The following ALPK3 variants were observed in gnomAD, a reference collection of about 807,000 sequenced individuals.
ALPK3 encodes alpha-protein kinase 3.
A neutral mutation model predicts 140.0 loss-of-function variants in ALPK3; 102 were observed. That is an observed-to-expected ratio of 0.73 (90% CI 0.62 to 0.86). The LOEUF is 0.86. ALPK3 is among the 40% of genes least tolerant of loss of function. The probability of loss-of-function intolerance (pLI) is 0.00; values close to 1 mark genes in which losing one functional copy is unlikely to be tolerated. For missense variants in ALPK3, 2,254 were observed against 2,208.2 expected, an observed-to-expected ratio of 1.02 and a Z score of -0.42; for synonymous variants, 938 against 898.5, an observed-to-expected ratio of 1.04 and a Z score of -0.79.
At chr15:84,838,201 C>T (rs1401467848) in intron 3 of ALPK3, among the ~76,000 whole-genome samples, 1 of 152,080 alleles carries the variant, frequency 6.6e-6, no homozygotes, top group African/African-American at 2.4e-5. Context: ...GCCATGTTTT[C>T]AAATAATCCT....
At chr15:84,855,780 A>G (rs948793842) in intron 5 of ALPK3, among the ~76,000 whole-genome samples, 1 of 152,244 alleles carries the variant, frequency 6.6e-6, no homozygotes, top group Admixed American at 6.5e-5. Context: ...GGCCTAGCAT[A>G]GTGCTTTGCA....
Position 84,857,852 on chromosome 15 carries a change from C to T in ALPK3, c.3114C>T (p.Arg1038=), listed in dbSNP as rs1475934860. The change falls in exon 6 of 14, where the codon CGC becomes CGT. Residue 1038 remains arginine (R), a synonymous_variant. Transcript: ENST00000258888. ...QTLLLSPCTS[R]RLTGLLDREV... ...TGCTGCTGAGCCCCTGTACCTCCCG[C>T]CGCCTCACCGGCCTCCTGGACCGTG... 1.9e-6 allele frequency: 3 copies of T among 1,611,914 alleles called. No homozygotes were observed. Among genetic ancestry groups the T allele is most frequent in the Admixed American group, 1.7e-5 (1 of 59,932 alleles).
At position 84,839,873 on chromosome 15, in the gene ALPK3, G is replaced by A. The variant is rs1596149684; in HGVS notation, c.594G>A (p.Gln198=). 1 of 1,614,120 alleles carries A rather than the reference G, an allele frequency of 6.2e-7. No individual in the cohort carries two copies. Among genetic ancestry groups the A allele is most frequent in the Non-Finnish European group, 8.5e-7 (1 of 1,180,032 alleles). ...KAAAKLREIE[Q]SWKHEKAVPG... Reference sequence around the variant, plus strand: ...CGGCAAAGCTGCGCGAGATCGAGCAGAGCTGGAAGCACGAGAAGGCGGTGC... The same window carrying A: ...CGGCAAAGCTGCGCGAGATCGAGCAAAGCTGGAAGCACGAGAAGGCGGTGC... Residue 198 remains glutamine (Q), a synonymous_variant, in exon 5 of 14, where the codon CAG becomes CAA. Coordinates refer to ENST00000258888, the MANE Select transcript of ALPK3 (RefSeq NM_020778.5).
At chr15:84,849,544 T>C (rs1327285402) in intron 5 of ALPK3, among the ~76,000 whole-genome samples, 1 of 152,158 alleles carries the variant, frequency 6.6e-6, no homozygotes, top group Non-Finnish European at 1.5e-5. Flanking sequence ...TGTGAAGTAA[T>C]TGAAATAATA....
intron 5 of ALPK3, among the ~76,000 whole-genome samples, chr15:84,842,515 C>T (rs544632707): frequency 1.8e-4 from 28 of 152,048 alleles, no homozygotes; most frequent in African/African-American, 5.5e-4. Context: ...GGTGGTTTCT[C>T]GGAGCAGTGA....
intron 3 of ALPK3, among the ~76,000 whole-genome samples, chr15:84,832,341 T>C (rs530902974): frequency 6.6e-6 from 1 of 152,238 alleles, no homozygotes; most frequent in African/African-American, 2.4e-5. Flanking sequence ...AAAATTTTGT[T>C]GCTCCTATTA....
At chr15:84,862,410 A>G (rs1963956833) in intron 9 of ALPK3, among the ~76,000 whole-genome samples, 1 of 152,068 alleles carries the variant, frequency 6.6e-6, no homozygotes, top group African/African-American at 2.4e-5. Flanking sequence ...GATGGATACC[A>G]CATGGGTACC....
intron 11 of ALPK3, 131 bp from the exon 12 acceptor site, chr15:84,864,311 T>C: frequency 1.0e-6 from 1 of 962,446 alleles, no homozygotes; most frequent in Non-Finnish European, 1.5e-6. Flanking sequence ...TTTGCTGTCC[T>C]TTGGGCTCGG....
chr15:84,826,276 ACT>A (rs1963487834), intron 2 of ALPK3, among the ~76,000 whole-genome samples: 1 of 151,968 alleles, frequency 6.6e-6, no homozygotes, highest in East Asian at 1.9e-4. Flanking sequence ...GCTTCCACAG[ACT>A]CTCTTAGCCC....
Position 84,857,305 on chromosome 15 carries a change from C to T in ALPK3, c.2567C>T (p.Pro856Leu), listed in dbSNP as rs777040881. 6.2e-7 allele frequency: 1 copy of T among 1,614,016 alleles called. No homozygotes were observed. Among genetic ancestry groups the T allele is most frequent in the Non-Finnish European group, 8.5e-7 (1 of 1,180,018 alleles). ...GVPCMDQGGC[P>L]LAGLSQEVPT... ...CCGTGTATGGATCAGGGTGGCTGTC[C>T]TCTAGCTGGCCTGAGCCAGGAGGTA... Residue 856 changes from proline to leucine, a missense_variant, in exon 6 of 14, where the codon CCT (proline) becomes CTT (leucine). By Grantham distance (98) the Pro-to-Leu change is moderately conservative (BLOSUM62 -3). Coordinates refer to ENST00000258888, the MANE Select transcript of ALPK3 (RefSeq NM_020778.5).
intron 11 of ALPK3, among the ~76,000 whole-genome samples, chr15:84,864,192 A>G (rs1269887062): frequency 6.6e-6 from 1 of 152,178 alleles, no homozygotes; most frequent in Non-Finnish European, 1.5e-5. Context: ...CAGTCTGCCT[A>G]TGCCCATAGC....
At position 84,817,408 on chromosome 15, in the gene ALPK3, G is replaced by A; in HGVS notation, c.-45G>A. 2 of 1,235,520 alleles carry A rather than the reference G, an allele frequency of 1.6e-6. No individual in the cohort carries two copies. Among genetic ancestry groups the A allele is most frequent in the South Asian group, 3.5e-5 (1 of 28,468 alleles). 76.5% of individuals were successfully genotyped at this position (1,235,520 alleles called of 1,614,324 possible). On this transcript the variant is annotated 5_prime_UTR_variant, in exon 1 of 14. Coordinates refer to ENST00000258888, the MANE Select transcript of ALPK3 (RefSeq NM_020778.5). ...GGGGGCCGGGGCCTGGAGGACAGGC[G>A]AGGCAGCGGCGAGTGCGGGGCCGGC...
At chr15:84,867,981 C>A (rs888757075) in intron 13 of ALPK3, 130 bp from the exon 14 acceptor site, 11 of 916,822 alleles carry the variant, frequency 1.2e-5, no homozygotes, top group African/African-American at 9.9e-5. Flanking sequence ...GGGAGAGTCC[C>A]CATCACCCTC....
chr15:84,869,785 T>G lies in ALPK3; in HGVS notation c.*1329T>G, dbSNP rs1964047719. ...CTGGTGTGGTTGGAGGTCTGTGGAG[T>G]CAAGGTCCCCCTCTCCCAGGCAGGC... On this transcript the variant is annotated 3_prime_UTR_variant, in exon 14 of 14. Transcript: ENST00000258888. 6.6e-6 allele frequency: 1 copy of G among 152,464 alleles called. No homozygotes were observed. Among genetic ancestry groups the G allele is most frequent in the Non-Finnish European group, 1.5e-5 (1 of 68,044 alleles). The allele number at this position is 152,464 out of a possible 1,614,324, so 9.4% of individuals were successfully genotyped here. A position where few individuals can be genotyped will look rare whatever the true frequency, so the allele number is the denominator to read the frequency against.
At chr15:84,848,260 T>A (rs1963759380) in intron 5 of ALPK3, among the ~76,000 whole-genome samples, 1 of 150,786 alleles carries the variant, frequency 6.6e-6, no homozygotes, top group Non-Finnish European at 1.5e-5. Context: ...AAAAAAAAAA[T>A]TACATTGCTG....
At chr15:84,835,221 T>C (rs1252003381) in intron 3 of ALPK3, among the ~76,000 whole-genome samples, 1 of 152,208 alleles carries the variant, frequency 6.6e-6, no homozygotes. Context: ...ACACCTGTGC[T>C]GGCTCTGGTC....
Position 84,858,017 on chromosome 15 carries a change from A to C in ALPK3, c.3279A>C (p.Gly1093=), listed in dbSNP as rs776558739. 3.1e-6 allele frequency: 5 copies of C among 1,588,590 alleles called. No homozygotes were observed. The change falls in exon 6 of 14, where the codon GGA becomes GGC. Residue 1093 remains glycine, a synonymous_variant. Transcript: ENST00000258888. ...LASEGASEGE[G]EVSPEGPGLL... ...CAGAAGGAGCCAGTGAGGGTGAAGGAGAGGTTTCCCCTGAGGGGCCTGGCC... is the reference window on the plus strand; with the variant it reads ...CAGAAGGAGCCAGTGAGGGTGAAGGCGAGGTTTCCCCTGAGGGGCCTGGCC...
chr15:84,839,188 A>G, intron 4 of ALPK3, 91 bp downstream of exon 4: 1 of 1,099,086 alleles, frequency 9.1e-7, no homozygotes, highest in Non-Finnish European at 1.3e-6. Context: ...GTCTGGATGG[A>G]GATGCCCAGG....
chr15:84,839,864 G>C lies in ALPK3; in HGVS notation c.585G>C (p.Glu195Asp). The C allele has an allele frequency of 6.2e-7, 1 of 1,614,140 alleles. No homozygotes were observed. Among genetic ancestry groups the C allele is most frequent in the Non-Finnish European group, 8.5e-7 (1 of 1,180,048 alleles). ...LKRKAAAKLR[E>D]IEQSWKHEKA... Reference sequence around the variant, plus strand: ...GCAAGGCTGCGGCAAAGCTGCGCGAGATCGAGCAGAGCTGGAAGCACGAGA... The same window carrying C: ...GCAAGGCTGCGGCAAAGCTGCGCGACATCGAGCAGAGCTGGAAGCACGAGA... Residue 195 changes from glutamate (E) to aspartate (D), a missense_variant, in exon 5 of 14, where the codon GAG (glutamate) becomes GAC (aspartate). This residue lies in a region of ALPK3 where 2,088 missense variants were observed against 2,022.9 expected (regional missense o/e 1.03). Transcript: ENST00000258888.
Sources: allele counts gnomAD v4.1 joint callset (sites outside exome capture counted in the v4.1 genomes callset), GRCh38; gene constraint gnomAD v4.1.1; regional missense constraint gnomAD v4.1.1; transcripts MANE v1.5; gene names NCBI Gene and HGNC (gene_info 2026-07-23, HGNC 2026-07-21).